The following PPP2R2B variants were observed in gnomAD, a reference collection of about 807,000 sequenced individuals.
PPP2R2B encodes serine/threonine-protein phosphatase 2A 55 kDa regulatory subunit B beta isoform.
PPP2R2B carries 5 observed loss-of-function variants against 46.0 expected under a neutral mutation model. That is an observed-to-expected ratio of 0.11 (90% CI 0.06 to 0.23). PPP2R2B has a LOEUF of 0.23. Among genes scored for constraint, PPP2R2B ranks in the 10% least tolerant of loss-of-function variants. The pLI is 1.00. For missense variants in PPP2R2B, 367 were observed against 575.0 expected (o/e 0.64, Z 3.70); for synonymous variants, 215 against 206.7 (o/e 1.04, Z -0.34).
chr5:146,980,242 T>C (rs949614458), intron 1 of PPP2R2B, among the ~76,000 whole-genome samples: 2 of 152,156 alleles, frequency 1.3e-5, no homozygotes, highest in Admixed American at 6.5e-5. Context: ...CAACTAGATG[T>C]TGGGCATATA....
At chr5:147,043,041 C>T (rs915881701) in intron 1 of PPP2R2B, among the ~76,000 whole-genome samples, 1 of 152,088 alleles carries the variant, frequency 6.6e-6, no homozygotes, top group African/African-American at 2.4e-5. Context: ...TTCTAGGCTG[C>T]AGAATACTAT....
intron 1 of PPP2R2B, among the ~76,000 whole-genome samples, chr5:147,042,553 CT>C (rs1371113045): frequency 6.6e-6 from 1 of 152,116 alleles, no homozygotes; most frequent in Non-Finnish European, 1.5e-5. Flanking sequence ...TAGACAAAAA[CT>C]TTTAGCCTTT....
rs1757954817 is a variant in PPP2R2B at position 147,081,045 on chromosome 5, G to GGGAT, written c.50+10_50+13dup. 3.3e-6 allele frequency: 5 copies of GGGAT among 1,532,602 alleles called. No individual in the cohort carries two copies. The East Asian group carries it at 1.2e-4, about 37-fold the overall frequency. The allele number at this position is 1,532,602 out of a possible 1,614,324, so 94.9% of individuals were successfully genotyped here. On this transcript the variant is annotated intron_variant, in intron 2 of 10. Transcript: ENST00000394413. ...CCAAGGAGGCAAGGAAAAGGGCATG[G>GGGAT]GGATTTCTCCTACCTTCTGTGGTTC...
intron 2 of PPP2R2B, among the ~76,000 whole-genome samples, chr5:147,076,487 T>C (rs1312728804): frequency 6.6e-6 from 1 of 152,210 alleles, no homozygotes; most frequent in Non-Finnish European, 1.5e-5. Flanking sequence ...ATGAATGACA[T>C]TTATTTTCTG....
At chr5:146,659,239 C>A (rs1776535116) in intron 5 of PPP2R2B, among the ~76,000 whole-genome samples, 1 of 152,148 alleles carries the variant, frequency 6.6e-6, no homozygotes, top group African/African-American at 2.4e-5. Flanking sequence ...TTATTTTAAA[C>A]TGCCAATGTT....
intron 2 of PPP2R2B, among the ~76,000 whole-genome samples, chr5:146,865,809 C>T (rs929329724): frequency 6.6e-6 from 1 of 152,172 alleles, no homozygotes; most frequent in Non-Finnish European, 1.5e-5. Flanking sequence ...TAACATCACA[C>T]AAGACTCTGC....
chr5:146,652,244 T>A (rs1019403639), intron 5 of PPP2R2B, among the ~76,000 whole-genome samples: 25 of 152,214 alleles, frequency 1.6e-4, no homozygotes, highest in African/African-American at 6.0e-4. Context: ...TCAATTGCAC[T>A]GTCTGCAAAA....
At chr5:146,652,951 G>A (rs552450622) in intron 5 of PPP2R2B, among the ~76,000 whole-genome samples, 9 of 152,264 alleles carry the variant, frequency 5.9e-5, no homozygotes, top group African/African-American at 1.9e-4. Context: ...CATCAACTAA[G>A]GGCATGCCTG....
chr5:146,945,816 T>C (rs187025412), intron 1 of PPP2R2B, among the ~76,000 whole-genome samples: 5 of 152,338 alleles, frequency 3.3e-5, no homozygotes, highest in Admixed American at 2.0e-4. Context: ...ATGTTACTGA[T>C]GGTATGCAAG....
At chr5:146,670,452 T>A (rs1561818439) in intron 5 of PPP2R2B, among the ~76,000 whole-genome samples, 1 of 151,152 alleles carries the variant, frequency 6.6e-6, no homozygotes, top group Non-Finnish European at 1.5e-5. Flanking sequence ...CCCTTCAGAT[T>A]TTCTTATCTG....
At chr5:146,636,845 A>C (rs546341393) in intron 7 of PPP2R2B, among the ~76,000 whole-genome samples, 1 of 152,216 alleles carries the variant, frequency 6.6e-6, no homozygotes, top group South Asian at 2.1e-4. Context: ...ACACCCTTCA[A>C]ATGTTCCATT....
At chr5:146,839,412 C>G (rs748831911) in intron 2 of PPP2R2B, among the ~76,000 whole-genome samples, 1 of 152,028 alleles carries the variant, frequency 6.6e-6, no homozygotes, top group Non-Finnish European at 1.5e-5. Context: ...CCCAGCTACT[C>G]GGGAGGCTGG....
At chr5:146,757,558 G>A (rs1050906896) in intron 2 of PPP2R2B, among the ~76,000 whole-genome samples, 45 of 152,162 alleles carry the variant, frequency 3.0e-4, no homozygotes, top group African/African-American at 1.0e-3. Flanking sequence ...TTTTGGACAT[G>A]CAGGGGTGTC....
At chr5:146,774,800 G>C (rs1331127983) in intron 2 of PPP2R2B, among the ~76,000 whole-genome samples, 1 of 146,166 alleles carries the variant, frequency 6.8e-6, no homozygotes, top group African/African-American at 2.5e-5. Context: ...CTGGGAGATA[G>C]AGCAAGACTC....
chr5:146,650,673 C>T lies in PPP2R2B; in HGVS notation c.499G>A (p.Val167Ile), dbSNP rs1264408354. 7.4e-6 allele frequency: 12 copies of T among 1,613,928 alleles called. No individual in the cohort carries two copies. The highest frequency in any genetic ancestry group is 1.0e-5 in the Non-Finnish European group (12 of 1,179,972). Residue 167 changes from valine (V) to isoleucine (I), a missense_variant, in exon 6 of 10, where the codon GTA becomes ATA. Val to Ile is a conservative substitution (Grantham distance 29). This residue lies in a region of PPP2R2B where 361 missense variants were observed against 545.5 expected (regional missense o/e 0.66). Coordinates refer to ENST00000394411, the MANE Select transcript of PPP2R2B (RefSeq NM_181675.4). ...DLMVEATPRR[V>I]FANAHTYHIN... is the part of the protein sequence containing the mutation. ...TGATATGTGTGTGCGTTGGCAAATA[C>T]TCTTCGTGGGGTGGCCTCCACCATC...
intron 8 of PPP2R2B, among the ~76,000 whole-genome samples, chr5:146,594,641 G>A (rs1250620513): frequency 6.6e-6 from 1 of 152,174 alleles, no homozygotes; most frequent in Non-Finnish European, 1.5e-5. Flanking sequence ...ACAGAGATAT[G>A]ACATCATTTG....
At chr5:146,630,248 C>T (rs961311458) in intron 7 of PPP2R2B, among the ~76,000 whole-genome samples, 1 of 152,178 alleles carries the variant, frequency 6.6e-6, no homozygotes, top group Non-Finnish European at 1.5e-5. Context: ...TCTTTGGATC[C>T]GTCTGATAAC....
At chr5:147,046,849 AG>A (rs1336330181) in intron 1 of PPP2R2B, among the ~76,000 whole-genome samples, 35 of 152,258 alleles carry the variant, frequency 2.3e-4, no homozygotes, top group African/African-American at 7.2e-4. Context: ...ATTAAACTTG[AG>A]TCTGCGTCCT....
intron 1 of PPP2R2B, among the ~76,000 whole-genome samples, chr5:146,984,660 C>T (rs922803180): frequency 1.3e-5 from 2 of 152,006 alleles, no homozygotes; most frequent in African/African-American, 4.8e-5. Context: ...AAGCTTCATA[C>T]TGTTTTCCAT....
Sources: allele counts gnomAD v4.1 joint callset (sites outside exome capture counted in the v4.1 genomes callset), GRCh38; gene constraint gnomAD v4.1.1; regional missense constraint gnomAD v4.1.1; transcripts MANE v1.5; gene names NCBI Gene and HGNC (gene_info 2026-07-23, HGNC 2026-07-21).